CNTN3: variants seen among roughly 807,000 people sequenced by gnomAD.
The protein encoded by CNTN3 is contactin 3, also known as contactin-3.
In CNTN3, 60 loss-of-function variants were observed where a neutral mutation model predicts 119.1. That is an observed-to-expected ratio of 0.50 (90% CI 0.41 to 0.62). CNTN3 has a LOEUF of 0.62. Among genes scored for constraint, CNTN3 ranks in the 20% least tolerant of loss-of-function variants. The pLI, the probability that CNTN3 is intolerant of heterozygous loss-of-function variation, is 0.00. For synonymous variants in CNTN3, 450 were observed against 438.7 expected, an observed-to-expected ratio of 1.03 and a Z score of -0.32; for missense variants, 1,101 against 1,242.4, an observed-to-expected ratio of 0.89 and a Z score of 1.71.
chr3:74,344,586 T>C (rs1390455399), intron 11 of CNTN3, among the ~76,000 whole-genome samples: 1 of 151,476 alleles, frequency 6.6e-6, no homozygotes, highest in Non-Finnish European at 1.5e-5. Context: ...GCCTCCCGAG[T>C]AGCTGGGACT....
chr3:74,533,960 C>G (rs1703727793), intron 1 of CNTN3, among the ~76,000 whole-genome samples: 1 of 151,958 alleles, frequency 6.6e-6, no homozygotes, highest in African/African-American at 2.4e-5. Context: ...GGACAGCCAC[C>G]CACTGCAAAC....
rs1436539116 is a variant in CNTN3, at chr3:74,486,648, A to C, written c.183-17T>G. On this transcript the variant is annotated splice_polypyrimidine_tract_variant and intron_variant, in intron 3 of 22. Coordinates refer to ENST00000263665, the MANE Select transcript of CNTN3 (RefSeq NM_020872.3). ...AGCTGCCATCTGTAAAACAAATATC[A>C]AGGTTCCCCCCCCTTAGTATTTTTA... The C allele has an allele frequency of 6.6e-7, 1 of 1,511,466 alleles. No individual in the cohort carries two copies. The highest frequency in any genetic ancestry group is 1.3e-5 in the South Asian group (1 of 75,238). 93.6% of individuals were successfully genotyped at this position (1,511,466 alleles called of 1,614,324 possible).
chr3:74,379,217 A>T (rs960568227), intron 5 of CNTN3, among the ~76,000 whole-genome samples: 1 of 152,024 alleles, frequency 6.6e-6, no homozygotes, highest in Admixed American at 6.6e-5. Flanking sequence ...GTGCAGTGGC[A>T]TGATCTCAGC....
chr3:74,437,528 A>G (rs190851592), intron 4 of CNTN3, among the ~76,000 whole-genome samples: 7 of 152,284 alleles, frequency 4.6e-5, no homozygotes, highest in Non-Finnish European at 8.8e-5. Flanking sequence ...TAAAGTATCT[A>G]TTCTAGGAAA....
At chr3:74,436,669 A>G (rs1012436759) in intron 4 of CNTN3, among the ~76,000 whole-genome samples, 4 of 152,230 alleles carry the variant, frequency 2.6e-5, no homozygotes, top group Admixed American at 6.5e-5. Flanking sequence ...GAAAAGCTCA[A>G]TAAAGGAGAG....
intron 4 of CNTN3, among the ~76,000 whole-genome samples, chr3:74,474,548 C>T (rs1702619499): frequency 6.6e-6 from 1 of 151,950 alleles, no homozygotes; most frequent in African/African-American, 2.4e-5. Context: ...GGTTGGAGTG[C>T]AGTGGTACGA....
At chr3:74,488,188 CG>C (rs1362449761) in intron 3 of CNTN3, among the ~76,000 whole-genome samples, 1 of 152,054 alleles carries the variant, frequency 6.6e-6, no homozygotes, top group East Asian at 1.9e-4. Context: ...TCTCAGCTCA[CG>C]GCAAGCTCTG....
intron 1 of CNTN3, among the ~76,000 whole-genome samples, chr3:74,588,186 A>C (rs1276158988): frequency 6.6e-6 from 1 of 152,168 alleles, no homozygotes; most frequent in Non-Finnish European, 1.5e-5. Flanking sequence ...TCGGTTTGCC[A>C]GTATTTTATT....
intron 1 of CNTN3, among the ~76,000 whole-genome samples, chr3:74,573,766 AT>A: frequency 6.6e-6 from 1 of 150,478 alleles, no homozygotes; most frequent in East Asian, 1.9e-4. Flanking sequence ...GATAGCCGTA[AT>A]TAAAAAAAAA....
At chr3:74,470,520 A>T (rs1227351082) in intron 4 of CNTN3, among the ~76,000 whole-genome samples, 1 of 152,056 alleles carries the variant, frequency 6.6e-6, no homozygotes, top group African/African-American at 2.4e-5. Context: ...ACATGCTGTC[A>T]CAGTCAGACC....
In CNTN3 at chr3:74,364,597, C is replaced by A; in HGVS notation, c.1084-1G>T. The A allele has an allele frequency of 6.3e-7, 1 of 1,598,730 alleles. No homozygotes were observed. The highest frequency in any genetic ancestry group is 8.6e-7 in the Non-Finnish European group (1 of 1,167,884). ...CACCATTTTCTATCTGTGTTCTCTCCTAGATGATAATAAAAATATCTTTCA... is the reference window on the plus strand; with the variant it reads ...CACCATTTTCTATCTGTGTTCTCTCATAGATGATAATAAAAATATCTTTCA... On this transcript the variant is annotated splice_acceptor_variant, in intron 9 of 22. Transcript: ENST00000263665. LOFTEE classifies it high-confidence loss of function.
intron 2 of CNTN3, among the ~76,000 whole-genome samples, chr3:74,507,953 G>A (rs529036814): frequency 1.3e-5 from 2 of 152,176 alleles, no homozygotes; most frequent in East Asian, 1.9e-4. Context: ...TTTCTTAAGT[G>A]AGGATCCTGA....
At chr3:74,460,450 T>C (rs918433266) in intron 4 of CNTN3, among the ~76,000 whole-genome samples, 2 of 151,914 alleles carry the variant, frequency 1.3e-5, no homozygotes, top group African/African-American at 4.8e-5. Flanking sequence ...TTAGGTCTTC[T>C]TTGATTTCTT....
intron 13 of CNTN3, among the ~76,000 whole-genome samples, chr3:74,318,065 CT>C (rs1016906117): frequency 1.9e-4 from 29 of 152,250 alleles, no homozygotes; most frequent in African/African-American, 7.0e-4. Context: ...CTAAACTTCC[CT>C]TCTTGCTTCA....
At chr3:74,297,810 A>G (rs1702372174) in intron 18 of CNTN3, 147 bp downstream of exon 18, 2 of 602,108 alleles carry the variant, frequency 3.3e-6, no homozygotes, top group Non-Finnish European at 5.8e-6. Flanking sequence ...ATTGATCTTT[A>G]TGACTTGCAC....
chr3:74,448,733 T>C (rs556040271), intron 4 of CNTN3, among the ~76,000 whole-genome samples: 1 of 152,250 alleles, frequency 6.6e-6, no homozygotes, highest in South Asian at 2.1e-4. Context: ...CAAAAAGGTC[T>C]TTTATGGCTA....
chr3:74,401,082 G>A (rs1226197876), intron 5 of CNTN3, among the ~76,000 whole-genome samples: 3 of 152,148 alleles, frequency 2.0e-5, no homozygotes, highest in African/African-American at 4.8e-5. Context: ...GGATAAACTC[G>A]TGGCCTTGTA....
intron 4 of CNTN3, among the ~76,000 whole-genome samples, chr3:74,452,660 G>A (rs1427495496): frequency 1.7e-5 from 2 of 120,544 alleles, no homozygotes; most frequent in African/African-American, 6.4e-5. Flanking sequence ...GTTTGTCACA[G>A]ATAGCTCTCA....
intron 1 of CNTN3, among the ~76,000 whole-genome samples, chr3:74,545,701 C>T (rs190382587): frequency 9.5e-4 from 145 of 152,128 alleles, no homozygotes; most frequent in Non-Finnish European, 1.7e-3. Flanking sequence ...CTTAGGGGTA[C>T]CCAGATATTC....
Sources: gnomAD v4.1 joint callset for allele counts (sites outside exome capture counted in the v4.1 genomes callset) on GRCh38, gnomAD v4.1.1 for gene constraint, MANE v1.5 for transcripts, NCBI Gene and HGNC (gene_info 2026-07-23, HGNC 2026-07-21) for gene names.